Variants in FUBP1 observed in about 807,000 individuals in gnomAD.
FUBP1 encodes the protein far upstream element binding protein 1.
FUBP1 carries 16 observed loss-of-function variants against 94.9 expected under a neutral mutation model. The observed-to-expected ratio is 0.17, with a 90% confidence interval of 0.11 to 0.26. The LOEUF (loss-of-function observed/expected upper bound fraction) is 0.26, where lower values mean the gene tolerates loss of function less well. FUBP1 is among the 10% of genes least tolerant of loss of function. The pLI, the probability that FUBP1 is intolerant of heterozygous loss-of-function variation, is 1.00. For missense variants in FUBP1, 583 were observed against 808.6 expected, an observed-to-expected ratio of 0.72 and a Z score of 3.38; for synonymous variants, 279 against 254.9, an observed-to-expected ratio of 1.09 and a Z score of -0.90.
rs2102422665 is a variant in FUBP1 at position 77,966,956 on chromosome 1, C to T, written c.344-1G>A. On this transcript the variant is annotated splice_acceptor_variant, in intron 5 of 19. Transcript: ENST00000370768. LOFTEE classifies it high-confidence loss of function. ...ATCTGTTCACCTCCTCTGCCAATTA[C>T]TAGTTAGAAAAAAAAAAATTTTTTT... is the stretch of plus-strand genomic sequence containing the variant. The T allele has an allele frequency of 6.3e-7, 1 of 1,594,814 alleles. No homozygotes were observed. The highest frequency in any genetic ancestry group is 8.6e-7 in the Non-Finnish European group (1 of 1,165,740).
intron 13 of FUBP1, among the ~76,000 whole-genome samples, 197 bp from the exon 14 acceptor site, chr1:77,963,127 T>C (rs1655817476): frequency 6.6e-6 from 1 of 152,226 alleles, no homozygotes; most frequent in South Asian, 2.1e-4. Context: ...ATGCTTCTCT[T>C]AAAATACATT....
In FUBP1 at chr1:77,965,221, G is replaced by A. The variant is rs1434917321; in HGVS notation, c.484C>T (p.Arg162Trp). ...TTTTCAACAATCTGGTCCAGTAACC[G>A]TTTTGCTGACCTGTTAACAAATTAA... is the stretch of plus-strand genomic sequence containing the variant. The part of the protein sequence containing the change: ...GTPESVQSAK[R>W]LLDQIVEKGR... Residue 162 changes from arginine (R) to tryptophan (W), a missense_variant, in exon 8 of 20, where the codon CGG (arginine) becomes TGG (tryptophan). Arg to Trp is a moderately radical substitution (Grantham distance 101). Transcript: ENST00000370768. 5 of 1,601,862 alleles carry A rather than the reference G, an allele frequency of 3.1e-6. No individual in the cohort carries two copies. Among genetic ancestry groups the A allele is most frequent in the Non-Finnish European group, 4.3e-6 (5 of 1,170,068 alleles).
Position 77,947,788 on chromosome 1 carries a change from A to C in FUBP1, c.*978T>G, listed in dbSNP as rs1652468304. The stretch of plus-strand genomic sequence containing the variant: ...GCTTATCTATACTGCATAAAGAAAA[A>C]AAAAAAGCTTGAACGTTTCCATACC... On this transcript the variant is annotated 3_prime_UTR_variant, in exon 20 of 20. Transcript: ENST00000370768. 1 of 826,508 alleles carries C rather than the reference A, an allele frequency of 1.2e-6. No individual in the cohort carries two copies. Among genetic ancestry groups the C allele is most frequent in the African/African-American group, 1.8e-5 (1 of 57,022 alleles). The allele number at this position is 826,508 out of a possible 1,614,324, so 51.2% of individuals were successfully genotyped here. A position where few individuals can be genotyped will look rare whatever the true frequency, so the allele number is the denominator to read the frequency against.
chr1:77,946,670 A>G lies in FUBP1; in HGVS notation c.*2096T>C, dbSNP rs1396207474. ...AACAGCCTCCAATTTGTGAATTATGATACTGAATTCAACTGAACTACTTCT... is the reference window on the plus strand; with the variant it reads ...AACAGCCTCCAATTTGTGAATTATGGTACTGAATTCAACTGAACTACTTCT... On this transcript the variant is annotated 3_prime_UTR_variant, in exon 20 of 20. Transcript: ENST00000370768. The G allele has an allele frequency of 4.9e-6, 1 of 204,828 alleles. No individual in the cohort carries two copies. Among genetic ancestry groups the G allele is most frequent in the East Asian group, 7.4e-5 (1 of 13,424 alleles). The allele number at this position is 204,828 out of a possible 1,614,324, so 12.7% of individuals were successfully genotyped here.
Position 77,945,095 on chromosome 1 carries a change from G to A in FUBP1, c.*3671C>T, listed in dbSNP as rs1033214604. Among the ~76,000 whole-genome samples the A allele has an allele frequency of 6.6e-5, 10 of 151,942 alleles. 1 individual carries two copies. The highest frequency in any genetic ancestry group is 6.2e-4 in the South Asian group (3 of 4,818). ...CATTTATTTCAGACTTAAGATCAGC[G>A]TCATTTAAAATAATGCTTATAGTAT... On this transcript the variant is annotated 3_prime_UTR_variant, in exon 20 of 20. Coordinates refer to ENST00000370768, the MANE Select transcript of FUBP1 (RefSeq NM_003902.5).
intron 14 of FUBP1, 101 bp from the exon 15 acceptor site, chr1:77,960,596 AAAT>A: frequency 1.0e-6 from 1 of 978,660 alleles, no homozygotes; most frequent in South Asian, 1.8e-5. Flanking sequence ...TTATAGTCAC[AAAT>A]AACAAATTTT....
intron 2 of FUBP1, chr1:77,969,200 A>G (rs1432121542): frequency 6.6e-6 from 2 of 304,528 alleles, no homozygotes; most frequent in African/African-American, 4.5e-5. Context: ...ATAAAAGGAA[A>G]CCAAGTTCTC....
rs1421960263 is a variant in FUBP1, at chr1:77,967,646, G to T, written c.271C>A (p.Pro91Thr). 3 of 1,586,668 alleles carry T rather than the reference G, an allele frequency of 1.9e-6. No individual in the cohort carries two copies. The highest frequency in any genetic ancestry group is 2.6e-6 in the Non-Finnish European group (3 of 1,160,076). Residue 91 changes from proline (P) to threonine (T), a missense_variant, in exon 4 of 20, where the codon CCG becomes ACG. Coordinates refer to ENST00000370768, the MANE Select transcript of FUBP1 (RefSeq NM_003902.5). ...CTATACCTTTGCTGCTGATGCATCG[G>T]TGGTAACTGTGTTCCAAAAGCTATC... ...QNDSFGTQLPPMHQQQSRSVM... is the reference protein window; with the variant it reads ...QNDSFGTQLPTMHQQQSRSVM...
At chr1:77,965,031 AC>A (rs766065841) in intron 8 of FUBP1, 37 bp downstream of exon 8, 4 of 1,602,294 alleles carry the variant, frequency 2.5e-6, no homozygotes, top group Non-Finnish European at 3.4e-6. Flanking sequence ...GGGCATCAAA[AC>A]AGATCAAAAG....
intron 18 of FUBP1, among the ~76,000 whole-genome samples, chr1:77,950,166 G>A (rs926949680): frequency 4.6e-5 from 7 of 152,104 alleles, no homozygotes; most frequent in African/African-American, 1.7e-4. Context: ...ATAATATTGA[G>A]GGTATTTATT....
chr1:77,952,366 T>A (rs531955655), intron 18 of FUBP1, among the ~76,000 whole-genome samples: 1 of 151,426 alleles, frequency 6.6e-6, no homozygotes, highest in Non-Finnish European at 1.5e-5. Flanking sequence ...CTGTTTTCAA[T>A]AGTTTTTTTT....
Position 77,960,339 on chromosome 1 carries a change from C to T in FUBP1, c.1496+5G>A, listed in dbSNP as rs188159238. On this transcript the variant is annotated splice_donor_5th_base_variant and intron_variant, in intron 15 of 19. Transcript: ENST00000370768. ...GGAAAGCCCAGAACTAAACCCAATA[C>T]TTACTGAGGAGCCGGGCCTGGTGGT... is the stretch of plus-strand genomic sequence containing the variant. The T allele has an allele frequency of 6.2e-7, 1 of 1,611,774 alleles. No individual in the cohort carries two copies. Among genetic ancestry groups the T allele is most frequent in the Non-Finnish European group, 8.5e-7 (1 of 1,179,574 alleles).
At chr1:77,979,168 AGGCAACGCGCTG>A (rs1659363827), upstream of FUBP1, 6 of 681,932 alleles carry the variant, frequency 8.8e-6, no homozygotes, top group Admixed American at 1.8e-4. Context: ...GATGTTTCCG[AGGCAACGCGCTG>A]GTGTGGGTTA....
chr1:77,949,099 A>G, intron 19 of FUBP1, 56 bp downstream of exon 19: 1 of 1,489,066 alleles, frequency 6.7e-7, no homozygotes, highest in Non-Finnish European at 9.3e-7. Flanking sequence ...GACAAACAGT[A>G]AACATGCAGA....
chr1:77,962,753 GT>G lies in FUBP1; in HGVS notation c.1344+16del, dbSNP rs1655743944. On this transcript the variant is annotated intron_variant, in intron 14 of 19. Coordinates refer to ENST00000370768, the MANE Select transcript of FUBP1 (RefSeq NM_003902.5). ...TAAGGGTCTACACTAAAAATTAAAAGTTTAAAGTATACTCACACCAATCTTT... is the reference window on the plus strand; with the variant it reads ...TAAGGGTCTACACTAAAAATTAAAAGTTAAAGTATACTCACACCAATCTTT... 1 of 1,584,664 alleles carries G rather than the reference GT, an allele frequency of 6.3e-7. No individual in the cohort carries two copies. The highest frequency in any genetic ancestry group is 8.6e-7 in the Non-Finnish European group (1 of 1,157,684).
upstream of FUBP1, chr1:77,979,165 C>G: frequency 1.5e-6 from 1 of 685,980 alleles, no homozygotes; most frequent in South Asian, 2.0e-5. Flanking sequence ...CGCGATGTTT[C>G]CGAGGCAACG....
chr1:77,953,829 T>C (rs1653954410), intron 18 of FUBP1, among the ~76,000 whole-genome samples: 1 of 152,160 alleles, frequency 6.6e-6, no homozygotes, highest in South Asian at 2.1e-4. Flanking sequence ...TTAATGGCCA[T>C]ATTACAAATA....
intron 2 of FUBP1, among the ~76,000 whole-genome samples, chr1:77,969,487 T>G (rs777599288): frequency 2.6e-5 from 4 of 151,718 alleles, no homozygotes; most frequent in Non-Finnish European, 5.9e-5. Flanking sequence ...TGCAACACAC[T>G]AGAGTAGCAA....
intron 16 of FUBP1, among the ~76,000 whole-genome samples, 155 bp downstream of exon 16, chr1:77,960,029 C>T (rs888184810): frequency 1.3e-5 from 2 of 152,178 alleles, no homozygotes; most frequent in African/African-American, 2.4e-5. Flanking sequence ...CATGTCAGTC[C>T]TATACACTGG....
Sources: gnomAD v4.1 joint callset for allele counts (sites outside exome capture counted in the v4.1 genomes callset) on GRCh38, gnomAD v4.1.1 for gene constraint, MANE v1.5 for transcripts, NCBI Gene and HGNC (gene_info 2026-07-23, HGNC 2026-07-21) for gene names.